Variants in CREB5 observed in about 807,000 individuals in gnomAD.
The protein encoded by CREB5 is cyclic AMP-responsive element-binding protein 5.
A neutral mutation model predicts 57.1 loss-of-function variants in CREB5; 19 were observed. That is an observed-to-expected ratio of 0.33 (90% CI 0.23 to 0.49). CREB5 has a LOEUF of 0.49. CREB5 is among the 20% of genes least tolerant of loss of function. The probability of loss-of-function intolerance (pLI) is 0.99; values close to 1 mark genes in which losing one functional copy is unlikely to be tolerated. For missense variants in CREB5, 579 were observed against 671.6 expected, an observed-to-expected ratio of 0.86 and a Z score of 1.52; for synonymous variants, 238 against 238.3, an observed-to-expected ratio of 1.00 and a Z score of 0.01.
intron 5 of CREB5, among the ~76,000 whole-genome samples, chr7:28,692,172 C>T (rs558331780): frequency 4.3e-5 from 5 of 117,356 alleles, no homozygotes; most frequent in Admixed American, 9.5e-5. Context: ...GATCACAGAG[C>T]GAGACTCCGT....
chr7:28,658,937 TTA>T (rs199840910), intron 5 of CREB5, among the ~76,000 whole-genome samples: 2 of 63,202 alleles, frequency 3.2e-5, no homozygotes, highest in Admixed American at 1.6e-4. Context: ...GCACTAAATA[TTA>T]TATGTGTGTG....
chr7:28,499,466 G>T (rs1053166488), intron 3 of CREB5, among the ~76,000 whole-genome samples: 5 of 152,160 alleles, frequency 3.3e-5, no homozygotes, highest in Admixed American at 2.6e-4. Context: ...GTGTTGCCTG[G>T]AGGGAGAGGG....
intron 1 of CREB5, among the ~76,000 whole-genome samples, chr7:28,337,547 A>G (rs1240358264): frequency 1.3e-5 from 2 of 151,718 alleles, no homozygotes; most frequent in Non-Finnish European, 2.9e-5. Context: ...TTATTGGCAT[A>G]TATCATTTTC....
intron 4 of CREB5, among the ~76,000 whole-genome samples, chr7:28,522,585 A>C (rs1187297857): frequency 6.6e-6 from 1 of 151,718 alleles, no homozygotes; most frequent in East Asian, 1.9e-4. Flanking sequence ...TTTAGTAGAG[A>C]TGGGGTGTCA....
At chr7:28,553,650 T>C (rs992859771) in intron 4 of CREB5, among the ~76,000 whole-genome samples, 4 of 152,244 alleles carry the variant, frequency 2.6e-5, no homozygotes, top group Non-Finnish European at 5.9e-5. Context: ...TATTTCAGTG[T>C]GCACAGAGGA....
chr7:28,623,941 C>G (rs1461374641), intron 5 of CREB5, among the ~76,000 whole-genome samples: 1 of 152,088 alleles, frequency 6.6e-6, no homozygotes, highest in Non-Finnish European at 1.5e-5. Context: ...TCTCTAAGAT[C>G]AAAACCCAGG....
At position 28,820,458 on chromosome 7, in the gene CREB5, T is replaced by TG. The variant is rs1166361079; in HGVS notation, c.*1185dup. On this transcript the variant is annotated 3_prime_UTR_variant, in exon 11 of 11. Coordinates refer to ENST00000357727, the MANE Select transcript of CREB5 (RefSeq NM_182898.4). ...GCCTATGGAACCGGCTTTGCTGTTCTGGGGGGTGAAAATAGACTAACTACT... is the reference window on the plus strand; with the variant it reads ...GCCTATGGAACCGGCTTTGCTGTTCTGGGGGGGTGAAAATAGACTAACTACT... 1.3e-5 allele frequency: 2 copies of TG among 152,144 alleles called. No homozygotes were observed. Among genetic ancestry groups the TG allele is most frequent in the African/African-American group, 2.4e-5 (1 of 41,234 alleles). 9.4% of individuals were successfully genotyped at this position (152,144 alleles called of 1,614,324 possible).
chr7:28,805,141 A>T (rs181475474), intron 8 of CREB5, among the ~76,000 whole-genome samples: 94 of 152,340 alleles, frequency 6.2e-4, no homozygotes, highest in African/African-American at 2.2e-3. Flanking sequence ...GAGGGAACAG[A>T]AAGAGAGCCA....
chr7:28,780,597 CT>C (rs1806917167), intron 7 of CREB5, among the ~76,000 whole-genome samples: 1 of 152,016 alleles, frequency 6.6e-6, no homozygotes, highest in African/African-American at 2.4e-5. Flanking sequence ...TGGCGTGCAC[CT>C]GTAATCCCAG....
At chr7:28,700,510 C>T (rs572749794) in intron 5 of CREB5, among the ~76,000 whole-genome samples, 47 of 151,960 alleles carry the variant, frequency 3.1e-4, no homozygotes, top group African/African-American at 1.1e-3. Flanking sequence ...AAAAGTTTAA[C>T]AACAACAACA....
chr7:28,559,015 G>A (rs567661145), intron 4 of CREB5, among the ~76,000 whole-genome samples: 7 of 152,204 alleles, frequency 4.6e-5, no homozygotes, highest in South Asian at 4.1e-4. Flanking sequence ...CGCCCCTTTC[G>A]TGATTTTAAA....
intron 1 of CREB5, among the ~76,000 whole-genome samples, chr7:28,451,221 C>T (rs1296902416): frequency 6.6e-6 from 1 of 152,024 alleles, no homozygotes; most frequent in Non-Finnish European, 1.5e-5. Context: ...AAGAACTCCC[C>T]CTTAATTTGT....
chr7:28,810,637 A>G (rs1809059871), intron 9 of CREB5, among the ~76,000 whole-genome samples: 1 of 152,220 alleles, frequency 6.6e-6, no homozygotes, highest in Admixed American at 6.5e-5. Context: ...GAGAGGCTGT[A>G]GTGAGCCAAG....
chr7:28,384,877 G>A (rs1379488473), intron 1 of CREB5, among the ~76,000 whole-genome samples: 2 of 151,890 alleles, frequency 1.3e-5, no homozygotes, highest in African/African-American at 4.9e-5. Flanking sequence ...ATGTTTCCTT[G>A]TTAAAACTAA....
intron 5 of CREB5, among the ~76,000 whole-genome samples, chr7:28,718,020 T>A (rs1444189330): frequency 6.6e-6 from 1 of 152,180 alleles, no homozygotes; most frequent in East Asian, 1.9e-4. Context: ...AAGCAAAAGC[T>A]CAAACTATGT....
chr7:28,390,357 G>A, intron 1 of CREB5, among the ~76,000 whole-genome samples: 1 of 152,020 alleles, frequency 6.6e-6, no homozygotes, highest in East Asian at 1.9e-4. Context: ...AATGCTTATC[G>A]GCAAACCTTC....
At chr7:28,463,664 AT>A (rs1238995407) in intron 1 of CREB5, among the ~76,000 whole-genome samples, 4 of 152,076 alleles carry the variant, frequency 2.6e-5, no homozygotes, top group African/African-American at 7.2e-5. Flanking sequence ...ACAATTTTAT[AT>A]TTTGATGCTT....
At chr7:28,402,019 G>C (rs1236574563) in intron 1 of CREB5, among the ~76,000 whole-genome samples, 5 of 152,218 alleles carry the variant, frequency 3.3e-5, no homozygotes, top group African/African-American at 4.8e-5. Flanking sequence ...CTAGTTTACA[G>C]TCCCACCAAC....
chr7:28,527,556 C>T (rs930243441), intron 4 of CREB5, among the ~76,000 whole-genome samples: 1 of 152,164 alleles, frequency 6.6e-6, no homozygotes, highest in Non-Finnish European at 1.5e-5. Context: ...GTGGTTCTTG[C>T]CTGTAATCCC....
Sources: allele counts gnomAD v4.1 joint callset (sites outside exome capture counted in the v4.1 genomes callset), GRCh38; gene constraint gnomAD v4.1.1; transcripts MANE v1.5; gene names NCBI Gene and HGNC (gene_info 2026-07-23, HGNC 2026-07-21).